The following LRP1B variants were observed in gnomAD, a reference collection of about 807,000 sequenced individuals.
The protein encoded by LRP1B is LDL receptor related protein 1B.
In LRP1B, 217 loss-of-function variants were observed where a neutral mutation model predicts 556.6. The ratio of observed to expected loss-of-function variants is 0.39; its 90% CI spans 0.35 to 0.44. The LOEUF (loss-of-function observed/expected upper bound fraction) is 0.44. Among genes scored for constraint, LRP1B ranks in the 20% least tolerant of loss-of-function variants. The probability of loss-of-function intolerance (pLI) is 1.00; values close to 1 mark genes in which losing one functional copy is unlikely to be tolerated. For synonymous variants in LRP1B, 2,047 were observed against 1,865.8 expected (o/e 1.10, Z -2.50); for missense variants, 5,053 against 5,620.8 (o/e 0.90, Z 3.23).
At chr2:141,001,660 T>C (rs1697428455) in intron 15 of LRP1B, among the ~76,000 whole-genome samples, 1 of 152,076 alleles carries the variant, frequency 6.6e-6, no homozygotes, top group Admixed American at 6.6e-5. Context: ...CTATAAGGTC[T>C]GTAACTACCA....
At chr2:141,934,986 C>T (rs992525717) in intron 1 of LRP1B, among the ~76,000 whole-genome samples, 2 of 152,014 alleles carry the variant, frequency 1.3e-5, no homozygotes, top group African/African-American at 2.4e-5. Flanking sequence ...GGGAAAGAAC[C>T]AGTCATTACT....
rs751981413 is a variant in LRP1B at position 141,055,100 on chromosome 2, T to C, written c.1552+16A>G. Reference sequence around the variant, plus strand: ...AAGGGGTAGCTGCTGGCAAATGTTTTATTTTAACAACATACTTTTGCATGA... The same window carrying C: ...AAGGGGTAGCTGCTGGCAAATGTTTCATTTTAACAACATACTTTTGCATGA... On this transcript the variant is annotated intron_variant, in intron 10 of 90. Coordinates refer to ENST00000389484, the MANE Select transcript of LRP1B (RefSeq NM_018557.3). 1.9e-6 allele frequency: 3 copies of C among 1,610,882 alleles called. No individual in the cohort carries two copies. In the African/African-American group the frequency reaches 4.0e-5, roughly 22 times the overall value.
intron 41 of LRP1B, among the ~76,000 whole-genome samples, chr2:140,655,837 G>T (rs1684860562): frequency 6.6e-6 from 1 of 151,958 alleles, no homozygotes; most frequent in South Asian, 2.1e-4. Flanking sequence ...CAGCTACTCG[G>T]GAAGCTGGCG....
chr2:141,352,630 C>G (rs1195938409), intron 3 of LRP1B, among the ~76,000 whole-genome samples: 2 of 151,412 alleles, frequency 1.3e-5, no homozygotes, highest in Admixed American at 6.6e-5. Context: ...GATGCTTACC[C>G]AAAAAAGTGA....
chr2:141,661,892 G>C (rs569548287), intron 2 of LRP1B, among the ~76,000 whole-genome samples: 2 of 152,218 alleles, frequency 1.3e-5, no homozygotes, highest in South Asian at 2.1e-4. Context: ...ATTTCTCCAA[G>C]ATTGAAATGA....
At chr2:141,992,556 T>C (rs917777437) in intron 1 of LRP1B, among the ~76,000 whole-genome samples, 3 of 152,126 alleles carry the variant, frequency 2.0e-5, no homozygotes, top group African/African-American at 7.2e-5. Flanking sequence ...GAAAAATACA[T>C]ATAAAGACTG....
At position 141,619,991 on chromosome 2, in the gene LRP1B, T is replaced by C. The variant is rs1474337119; in HGVS notation, c.206-139458A>G. On this transcript the variant is annotated intron_variant, in intron 2 of 90. Coordinates refer to ENST00000389484, the MANE Select transcript of LRP1B (RefSeq NM_018557.3). ...TTTTTAGAGACAAGGTCTCACTCTG[T>C]CACCCAGGCTGGAGAGCGTGGTGCA... 2.6e-5 allele frequency among the ~76,000 whole-genome samples: 4 copies of C among 152,238 alleles called. 1 individual carries two copies. In the East Asian group the frequency reaches 7.7e-4, roughly 29 times the overall value.
chr2:140,689,904 G>A (rs1226799358), intron 41 of LRP1B, among the ~76,000 whole-genome samples: 2 of 151,924 alleles, frequency 1.3e-5, no homozygotes, highest in Non-Finnish European at 1.5e-5. Context: ...TGATGTACTG[G>A]GGCAGTCTCC....
At chr2:140,594,639 AATATTCCAG>A (rs1225494425) in intron 43 of LRP1B, among the ~76,000 whole-genome samples, 1 of 152,190 alleles carries the variant, frequency 6.6e-6, no homozygotes, top group Non-Finnish European at 1.5e-5. Context: ...CACTGTATCT[AATATTCCAG>A]ATTATGATGT....
In LRP1B at chr2:141,512,753, C is replaced by G. The variant is rs547412689; in HGVS notation, c.206-32220G>C. Among the ~76,000 whole-genome samples the G allele has an allele frequency of 5.3e-5, 8 of 150,544 alleles. No individual in the cohort carries two copies. In the East Asian group the frequency reaches 1.4e-3, roughly 27 times the overall value. On this transcript the variant is annotated intron_variant, in intron 2 of 90. Transcript: ENST00000389484. ...TCAAGATTATACAGAGTATCCTACA[C>G]ATAGTACATCTTCAGTTAAAAAAAA...
chr2:140,520,186 G>T (rs1690098680), intron 49 of LRP1B, among the ~76,000 whole-genome samples: 1 of 152,088 alleles, frequency 6.6e-6, no homozygotes, highest in African/African-American at 2.4e-5. Flanking sequence ...ATTCACAATA[G>T]CAAAGACTTG....
intron 7 of LRP1B, among the ~76,000 whole-genome samples, chr2:141,120,398 T>A (rs1339712952): frequency 6.6e-6 from 1 of 151,886 alleles, no homozygotes; most frequent in Non-Finnish European, 1.5e-5. Context: ...TATGCCTGGG[T>A]TTACTCCTCT....
intron 7 of LRP1B, among the ~76,000 whole-genome samples, chr2:141,129,572 T>TGGGGGG (rs1197296289): frequency 8.7e-6 from 1 of 114,360 alleles, no homozygotes; most frequent in Non-Finnish European, 1.8e-5. Flanking sequence ...GTAGTGTGTG[T>TGGGGGG]GGGGGGAGGG....
intron 3 of LRP1B, among the ~76,000 whole-genome samples, chr2:141,269,961 C>A (rs2683846): frequency 0.045 from 6,875 of 152,030 alleles, 169 homozygotes; most frequent in South Asian, 0.1. Flanking sequence ...CATTTAAACT[C>A]AAAAATTCCA....
intron 2 of LRP1B, among the ~76,000 whole-genome samples, chr2:141,595,709 C>T (rs758150060): frequency 6.6e-6 from 1 of 152,064 alleles, no homozygotes; most frequent in African/African-American, 2.4e-5. Flanking sequence ...TATGGTTAAA[C>T]AGAAGTCACA....
intron 1 of LRP1B, among the ~76,000 whole-genome samples, chr2:141,812,115 A>G (rs16847231): frequency 0.028 from 4,222 of 152,224 alleles, 202 homozygotes; most frequent in African/African-American, 0.097. Context: ...CCCATCAAAC[A>G]GTGGTGTGTG....
chr2:141,933,384 A>AT (rs1439168238), intron 1 of LRP1B, among the ~76,000 whole-genome samples: 1 of 152,132 alleles, frequency 6.6e-6, no homozygotes, highest in Non-Finnish European at 1.5e-5. Flanking sequence ...AAGGAGCACT[A>AT]TTTCATGCTT....
chr2:140,459,886 G>C (rs1687247875), intron 60 of LRP1B, among the ~76,000 whole-genome samples: 1 of 152,078 alleles, frequency 6.6e-6, no homozygotes, highest in South Asian at 2.1e-4. Flanking sequence ...CCTCTCTCCT[G>C]CTGCCATGTG....
At chr2:140,723,673 A>G (rs913702164) in intron 35 of LRP1B, among the ~76,000 whole-genome samples, 2 of 152,242 alleles carry the variant, frequency 1.3e-5, no homozygotes, top group African/African-American at 4.8e-5. Flanking sequence ...AGGTTCTTAC[A>G]TTAATATTAT....
Sources: gnomAD v4.1 joint callset for allele counts (sites outside exome capture counted in the v4.1 genomes callset) on GRCh38, gnomAD v4.1.1 for gene constraint, MANE v1.5 for transcripts, NCBI Gene and HGNC (gene_info 2026-07-23, HGNC 2026-07-21) for gene names.